Variants in STPG2 observed in about 807,000 individuals in gnomAD.
STPG2 encodes sperm-tail PG-rich repeat-containing protein 2.
A neutral mutation model predicts 54.2 loss-of-function variants in STPG2; 56 were observed. The observed-to-expected ratio is 1.03, with a 90% CI of 0.83 to 1.29. STPG2 has a LOEUF of 1.29. Ranked by LOEUF, STPG2 falls within the 50% of genes most tolerant of loss-of-function variation. The pLI, the probability that STPG2 is intolerant of heterozygous loss-of-function variation, is 0.00. For missense variants in STPG2, 596 were observed against 544.9 expected (o/e 1.09, Z -0.93); for synonymous variants, 200 against 181.8 (o/e 1.10, Z -0.81).
chr4:98,051,182 A>T (rs931039892), intron 5 of STPG2, among the ~76,000 whole-genome samples: 1 of 152,178 alleles, frequency 6.6e-6, no homozygotes, highest in Non-Finnish European at 1.5e-5. Context: ...AAAGGAAGTT[A>T]GTTCCCTAAT....
At chr4:97,733,151 C>T (rs1560506068) in intron 9 of STPG2, among the ~76,000 whole-genome samples, 1 of 151,972 alleles carries the variant, frequency 6.6e-6, no homozygotes, top group African/African-American at 2.4e-5. Flanking sequence ...TATTTATAGC[C>T]ACATAATTCA....
At chr4:97,659,882 G>A (rs1722324937) in intron 10 of STPG2, among the ~76,000 whole-genome samples, 1 of 152,126 alleles carries the variant, frequency 6.6e-6, no homozygotes, top group Non-Finnish European at 1.5e-5. Flanking sequence ...GTGAACTTGG[G>A]ACAGAGTACA....
At chr4:97,469,413 T>C (rs1578323209) in intron 4 of STPG2, among the ~76,000 whole-genome samples, 2 of 152,076 alleles carry the variant, frequency 1.3e-5, no homozygotes, top group Admixed American at 6.6e-5. Flanking sequence ...ATGTTGATGA[T>C]AGGCTTGACA....
At chr4:97,893,981 G>A (rs563991065) in intron 8 of STPG2, among the ~76,000 whole-genome samples, 1 of 152,028 alleles carries the variant, frequency 6.6e-6, no homozygotes, top group South Asian at 2.1e-4. Context: ...TGTAAGAGAG[G>A]AAAATTAAAA....
chr4:98,051,151 A>AG (rs1215503174), intron 5 of STPG2, among the ~76,000 whole-genome samples: 1 of 152,034 alleles, frequency 6.6e-6, no homozygotes, highest in Non-Finnish European at 1.5e-5. Flanking sequence ...GATCCACCTT[A>AG]GGTAGCTAGC....
At chr4:97,635,852 T>A (rs1721499978) in intron 10 of STPG2, among the ~76,000 whole-genome samples, 1 of 151,606 alleles carries the variant, frequency 6.6e-6, no homozygotes, top group South Asian at 2.1e-4. Context: ...AAGTCCTGAG[T>A]GACCGACAAA....
intron 10 of STPG2, among the ~76,000 whole-genome samples, chr4:97,569,552 A>C (rs896436466): frequency 1.3e-5 from 2 of 152,182 alleles, no homozygotes; most frequent in Non-Finnish European, 2.9e-5. Context: ...ACAGTGATGG[A>C]TTAGAATCAA....
chr4:98,076,424 T>C (rs1040144252), intron 5 of STPG2, among the ~76,000 whole-genome samples: 2 of 152,192 alleles, frequency 1.3e-5, no homozygotes, highest in Non-Finnish European at 2.9e-5. Context: ...TTAATCACAA[T>C]TGAAAATATC....
At chr4:97,995,317 A>G (rs1578765202) in intron 5 of STPG2, among the ~76,000 whole-genome samples, 1 of 152,086 alleles carries the variant, frequency 6.6e-6, no homozygotes, top group Non-Finnish European at 1.5e-5. Context: ...TGCAGTGGCA[A>G]TCACCTCCTT....
chr4:97,832,229 A>C (rs1176635263), intron 9 of STPG2, among the ~76,000 whole-genome samples: 1 of 152,234 alleles, frequency 6.6e-6, no homozygotes, highest in Non-Finnish European at 1.5e-5. Context: ...GCAAATCAAT[A>C]AATGTAATCC....
intron 5 of STPG2, among the ~76,000 whole-genome samples, chr4:98,082,969 C>T (rs1738396245): frequency 6.6e-6 from 1 of 152,100 alleles, no homozygotes; most frequent in South Asian, 2.1e-4. Flanking sequence ...CTGGATCTCT[C>T]CATTCTAGTG....
intron 10 of STPG2, among the ~76,000 whole-genome samples, chr4:97,686,745 T>C (rs1310103915): frequency 6.6e-6 from 1 of 152,108 alleles, no homozygotes; most frequent in African/African-American, 2.4e-5. Flanking sequence ...TTTCATTAGC[T>C]AAGGATTCTG....
At chr4:97,806,847 T>C (rs1727583792) in intron 9 of STPG2, among the ~76,000 whole-genome samples, 1 of 152,150 alleles carries the variant, frequency 6.6e-6, no homozygotes, top group Non-Finnish European at 1.5e-5. Context: ...ATAAGAAACC[T>C]TGTTTATCAC....
At chr4:97,856,602 G>A (rs1038045555) in intron 8 of STPG2, among the ~76,000 whole-genome samples, 9 of 152,174 alleles carry the variant, frequency 5.9e-5, no homozygotes, top group Admixed American at 5.9e-4. Context: ...CATGTCATCT[G>A]CAAACATGGT....
intron 5 of STPG2, among the ~76,000 whole-genome samples, chr4:97,993,198 T>A (rs528498682): frequency 6.6e-5 from 10 of 152,124 alleles, no homozygotes; most frequent in Non-Finnish European, 1.3e-4. Flanking sequence ...TTTTTCTGTT[T>A]ACTATAATGT....
chr4:98,063,769 G>C (rs759194022), intron 5 of STPG2, among the ~76,000 whole-genome samples: 14 of 152,090 alleles, frequency 9.2e-5, no homozygotes, highest in Non-Finnish European at 1.5e-4. Flanking sequence ...CCCAGGAACA[G>C]TGGTTCACAC....
At chr4:97,789,541 T>C (rs1249716420) in intron 9 of STPG2, among the ~76,000 whole-genome samples, 3 of 152,156 alleles carry the variant, frequency 2.0e-5, no homozygotes, top group Admixed American at 1.3e-4. Context: ...ACATTTTACA[T>C]CATCACATCT....
rs1176071506 is a variant in STPG2 at position 98,114,173 on chromosome 4, T to A, written c.388-4868A>T. Among the ~76,000 whole-genome samples the A allele has an allele frequency of 2.0e-5, 3 of 152,052 alleles. 1 individual carries two copies. Among genetic ancestry groups the A allele is most frequent in the African/African-American group, 7.2e-5 (3 of 41,414 alleles). Reference sequence around the variant, plus strand: ...CTCTTGCTAAAGTAAGTGCTCCAGATCACCTTTCAAATGCAATTACCTAAT... The same window carrying A: ...CTCTTGCTAAAGTAAGTGCTCCAGAACACCTTTCAAATGCAATTACCTAAT... On this transcript the variant is annotated intron_variant, in intron 3 of 10. Coordinates refer to ENST00000295268, the MANE Select transcript of STPG2 (RefSeq NM_174952.3).
chr4:97,889,402 G>T (rs757299698), intron 8 of STPG2, among the ~76,000 whole-genome samples: 5 of 152,106 alleles, frequency 3.3e-5, no homozygotes, highest in South Asian at 4.1e-4. Flanking sequence ...CAGTAGTCAA[G>T]ATATGGAATA....
Sources: allele counts gnomAD v4.1 joint callset (sites outside exome capture counted in the v4.1 genomes callset), GRCh38; gene constraint gnomAD v4.1.1; transcripts MANE v1.5; gene names NCBI Gene and HGNC (gene_info 2026-07-23, HGNC 2026-07-21).